The following PCNX1 variants were observed in gnomAD, a reference collection of about 807,000 sequenced individuals.
The protein encoded by PCNX1 is pecanex 1.
Under a neutral mutation model 242.2 loss-of-function variants are expected in PCNX1, and 78 were observed. The observed-to-expected ratio is 0.32, with a 90% CI of 0.27 to 0.39. PCNX1 has a LOEUF of 0.39. PCNX1 is among the 10% of genes least tolerant of loss of function. The probability of loss-of-function intolerance (pLI) is 1.00; values close to 1 mark genes in which losing one functional copy is unlikely to be tolerated. For synonymous variants in PCNX1, 1,024 were observed against 1,032.9 expected (o/e 0.99, Z 0.17); for missense variants, 2,581 against 2,856.5 (o/e 0.90, Z 2.20).
chr14:70,956,552 C>A (rs2058002147), intron 2 of PCNX1, among the ~76,000 whole-genome samples: 1 of 152,026 alleles, frequency 6.6e-6, no homozygotes, highest in Admixed American at 6.6e-5. Flanking sequence ...GGGCAAGACC[C>A]TGTCTCTTAA....
At position 71,008,957 on chromosome 14, in the gene PCNX1, T is replaced by TA. The variant is rs1243579433; in HGVS notation, c.2630-670dup. On this transcript the variant is annotated intron_variant, in intron 8 of 35. Transcript: ENST00000304743. ...ATTATAAAGTTCATCTTAAGAGAATTAAAAAAATCTGTATTCATTTGCAAC... is the reference window on the plus strand; with the variant it reads ...ATTATAAAGTTCATCTTAAGAGAATTAAAAAAAATCTGTATTCATTTGCAAC... 3.3e-5 allele frequency among the ~76,000 whole-genome samples: 5 copies of TA among 152,274 alleles called. 1 individual carries two copies. The East Asian group carries it at 7.7e-4, about 23-fold the overall frequency.
chr14:70,968,110 A>G lies in PCNX1; in HGVS notation c.469-88A>G, dbSNP rs372674203. 9.7e-4 allele frequency: 856 copies of G among 883,486 alleles called. 5 individuals carry two copies. The African/African-American group carries it at 0.013, about 14-fold the overall frequency. The allele number at this position is 883,486 out of a possible 1,614,324, so 54.7% of individuals were successfully genotyped here. A position where few individuals can be genotyped will look rare whatever the true frequency, so the allele number is the denominator to read the frequency against. On this transcript the variant is annotated intron_variant, in intron 3 of 35. Coordinates refer to ENST00000304743, the MANE Select transcript of PCNX1 (RefSeq NM_014982.3). ...ATCGATAACATGTTTTGATCATATAATTTTGTTTGATAATCTTGCTAGTGT... is the reference window on the plus strand; with the variant it reads ...ATCGATAACATGTTTTGATCATATAGTTTTGTTTGATAATCTTGCTAGTGT...
intron 8 of PCNX1, among the ~76,000 whole-genome samples, 174 bp downstream of exon 8, chr14:70,996,099 T>A (rs2059343591): frequency 6.6e-6 from 1 of 152,228 alleles, no homozygotes; most frequent in Non-Finnish European, 1.5e-5. Context: ...TTTTTCCTTT[T>A]CTGTTTCTCT....
intron 19 of PCNX1, among the ~76,000 whole-genome samples, chr14:71,040,260 G>A (rs1477542884): frequency 6.6e-6 from 1 of 152,052 alleles, no homozygotes; most frequent in African/African-American, 2.4e-5. Context: ...TAAAATTCTA[G>A]GATGACAGGT....
chr14:71,052,143 TAAA>T, intron 24 of PCNX1, 131 bp downstream of exon 24: 1 of 650,854 alleles, frequency 1.5e-6, no homozygotes, highest in South Asian at 2.3e-5. Flanking sequence ...TAAAACTTAA[TAAA>T]TAGTCTTAAA....
At chr14:71,085,460 CTG>C (rs1317255728) in intron 28 of PCNX1, 1 of 152,208 alleles carries the variant, frequency 6.6e-6, no homozygotes, top group Non-Finnish European at 1.5e-5. Context: ...ATATAAATAT[CTG>C]TGTCATAAGC....
intron 1 of PCNX1, among the ~76,000 whole-genome samples, chr14:70,944,231 C>A (rs2057374752): frequency 6.6e-6 from 1 of 152,202 alleles, no homozygotes; most frequent in Non-Finnish European, 1.5e-5. Flanking sequence ...TCAGTGCAAG[C>A]CCATGTGCCA....
At chr14:71,091,498 T>C (rs2062128953) in intron 30 of PCNX1, among the ~76,000 whole-genome samples, 2 of 152,222 alleles carry the variant, frequency 1.3e-5, no homozygotes, top group African/African-American at 4.8e-5. Flanking sequence ...TCTCAGTAAA[T>C]GTATTGGAAA....
chr14:70,976,767 G>A lies in PCNX1; in HGVS notation c.605-175G>A, dbSNP rs144923467. Among the ~76,000 whole-genome samples the A allele has an allele frequency of 2.4e-3, 371 of 152,258 alleles. 1 individual carries two copies. The highest frequency in any genetic ancestry group is 8.1e-3 in the African/African-American group (335 of 41,546). ...AAGATTTGGAAGTTCAGTTCATTTCGTGAGTAGAATGCTTTCTTTGTGCAG... is the reference window on the plus strand; with the variant it reads ...AAGATTTGGAAGTTCAGTTCATTTCATGAGTAGAATGCTTTCTTTGTGCAG... On this transcript the variant is annotated intron_variant, in intron 5 of 35. Transcript: ENST00000304743.
intron 22 of PCNX1, 56 bp from the exon 23 acceptor site, chr14:71,050,596 C>T: frequency 6.8e-7 from 1 of 1,481,258 alleles, no homozygotes; most frequent in East Asian, 2.4e-5. Flanking sequence ...TTTTCTAATT[C>T]AAATATCTGA....
At position 70,962,294 on chromosome 14, in the gene PCNX1, C is replaced by G. The variant is rs769241988; in HGVS notation, c.431C>G (p.Ser144Cys). The G allele has an allele frequency of 6.2e-7, 1 of 1,613,326 alleles. No homozygotes were observed. Among genetic ancestry groups the G allele is most frequent in the South Asian group, 1.1e-5 (1 of 91,054 alleles). Residue 144 changes from serine (S) to cysteine (C), a missense_variant, in exon 3 of 36, where the codon TCC becomes TGC. This residue lies in a region of PCNX1 where 1,204 missense variants were observed against 1,216.7 expected (regional missense o/e 0.99). Coordinates refer to ENST00000304743, the MANE Select transcript of PCNX1 (RefSeq NM_014982.3). ...REATPPVGCS[S>C]RNSYAGLDPS... ...GCCACACCCCCAGTTGGTTGCAGTT[C>G]CAGAAATTCTTATGCCGGTCTAGAT...
At chr14:70,940,329 C>CA (rs1337719025) in intron 1 of PCNX1, among the ~76,000 whole-genome samples, 2 of 151,922 alleles carry the variant, frequency 1.3e-5, no homozygotes, top group African/African-American at 4.8e-5. Flanking sequence ...GGCCTGGTGA[C>CA]AAAATCTCTC....
chr14:70,916,458 T>C (rs1879297218), intron 1 of PCNX1, among the ~76,000 whole-genome samples: 1 of 152,130 alleles, frequency 6.6e-6, no homozygotes, highest in South Asian at 2.1e-4. Context: ...CTTGGAGATA[T>C]TGCAAGTTTG....
At chr14:70,909,976 T>C (rs2055751346) in intron 1 of PCNX1, among the ~76,000 whole-genome samples, 2 of 143,674 alleles carry the variant, frequency 1.4e-5, no homozygotes, top group East Asian at 2.1e-4. Flanking sequence ...CAGCCACTTA[T>C]TGCTTATGAG....
Position 71,009,698 on chromosome 14 carries a change from A to G in PCNX1, c.2694A>G (p.Pro898=). 1 of 1,602,158 alleles carries G rather than the reference A, an allele frequency of 6.2e-7. No individual in the cohort carries two copies. Among genetic ancestry groups the G allele is most frequent in the African/African-American group, 1.3e-5 (1 of 74,936 alleles). The change falls in exon 9 of 36, where the codon CCA becomes CCG. Residue 898 remains proline (P), a synonymous_variant. Transcript: ENST00000304743. ...GCDMSLVNFE[P]AARRASNICD... The stretch of plus-strand genomic sequence containing the variant: ...ATATGTCACTTGTGAATTTTGAACC[A>G]GCAGCAAGAAGAGCATCCAATATCT...
intron 25 of PCNX1, among the ~76,000 whole-genome samples, chr14:71,056,954 A>C (rs768067097): frequency 1.3e-5 from 2 of 152,116 alleles, no homozygotes; most frequent in Non-Finnish European, 1.5e-5. Flanking sequence ...GATTCCAGGC[A>C]TGAGCCACCA....
At chr14:70,992,486 A>G (rs1343145406) in intron 7 of PCNX1, among the ~76,000 whole-genome samples, 1 of 152,204 alleles carries the variant, frequency 6.6e-6, no homozygotes, top group African/African-American at 2.4e-5. Context: ...ATAGAGACAT[A>G]TAAGAATAAT....
chr14:71,114,872 G>A lies in PCNX1; in HGVS notation c.*4937G>A, dbSNP rs1417951863. Reference sequence around the variant, plus strand: ...GATGGCTGCTCCAGATGACTCTTGGGTTTAGTGTACTTGTGATTGAACAAG... The same window carrying A: ...GATGGCTGCTCCAGATGACTCTTGGATTTAGTGTACTTGTGATTGAACAAG... On this transcript the variant is annotated 3_prime_UTR_variant, in exon 36 of 36. Transcript: ENST00000304743. 2.3e-5 allele frequency: 3 copies of A among 132,460 alleles called. No individual in the cohort carries two copies. Among genetic ancestry groups the A allele is most frequent in the African/African-American group, 5.5e-5 (2 of 36,376 alleles). 8.2% of individuals were successfully genotyped at this position (132,460 alleles called of 1,614,324 possible). A position where few individuals can be genotyped will look rare whatever the true frequency, so the allele number is the denominator to read the frequency against.
At chr14:71,013,403 T>G (rs1443438409) in intron 11 of PCNX1, among the ~76,000 whole-genome samples, 2 of 152,178 alleles carry the variant, frequency 1.3e-5, no homozygotes, top group African/African-American at 2.4e-5. Context: ...GGTTGCAACT[T>G]CAATATCTTT....
Sources: allele counts gnomAD v4.1 joint callset (sites outside exome capture counted in the v4.1 genomes callset), GRCh38; gene constraint gnomAD v4.1.1; regional missense constraint gnomAD v4.1.1; transcripts MANE v1.5; gene names NCBI Gene and HGNC (gene_info 2026-07-23, HGNC 2026-07-21).